Variants in STX8 observed in about 807,000 individuals in gnomAD.
STX8 encodes syntaxin 8, also known as syntaxin-8.
STX8 carries 23 observed loss-of-function variants against 37.5 expected under a neutral mutation model. The ratio of observed to expected loss-of-function variants is 0.61; its 90% confidence interval spans 0.44 to 0.87. The LOEUF (loss-of-function observed/expected upper bound fraction) is 0.87. Among genes scored for constraint, STX8 ranks in the 40% least tolerant of loss-of-function variants. The pLI is 0.00. For missense variants in STX8, 313 were observed against 284.7 expected, an observed-to-expected ratio of 1.10 and a Z score of -0.71; for synonymous variants, 115 against 99.1, an observed-to-expected ratio of 1.16 and a Z score of -0.95.
chr17:9,434,662 A>G (rs553483432), intron 6 of STX8, among the ~76,000 whole-genome samples: 1 of 152,240 alleles, frequency 6.6e-6, no homozygotes, highest in Non-Finnish European at 1.5e-5. Flanking sequence ...GGCTTCACCC[A>G]GGAAAGAATT....
chr17:9,550,648 ATAAG>A (rs1555536552), intron 3 of STX8, among the ~76,000 whole-genome samples: 1 of 152,226 alleles, frequency 6.6e-6, no homozygotes, highest in Non-Finnish European at 1.5e-5. Flanking sequence ...ACCAGCATGC[ATAAG>A]TCCAGCTTCT....
chr17:9,471,411 A>G (rs1905862102), intron 6 of STX8, among the ~76,000 whole-genome samples: 1 of 151,796 alleles, frequency 6.6e-6, no homozygotes, highest in Non-Finnish European at 1.5e-5. Context: ...TCGGCCTCCC[A>G]AAGTGCTGGG....
rs1250875813 is a variant in STX8 at position 9,507,335 on chromosome 17, G to T, written c.324-2173C>A. Among the ~76,000 whole-genome samples the T allele has an allele frequency of 6.6e-6, 1 of 152,016 alleles. No homozygotes were observed. The highest frequency in any genetic ancestry group is 1.9e-4 in the East Asian group (1 of 5,168). On this transcript the variant is annotated intron_variant, in intron 4 of 7. Transcript: ENST00000306357. This position sits in a 1 kb window ranked among gnomAD's most constrained non-coding sequence, Gnocchi z 4.0. ...CTCAGGCCTGAAAAACAGCCCATGG[G>T]TCACCCCTAGCGGCAACTCCCCTAG...
intron 5 of STX8, among the ~76,000 whole-genome samples, chr17:9,498,353 G>A (rs1023830642): frequency 6.7e-6 from 1 of 149,530 alleles, no homozygotes; most frequent in Non-Finnish European, 1.5e-5. Context: ...TCGCACCACT[G>A]CACTCCAGCC....
chr17:9,383,033 A>G (rs1309450841), intron 6 of STX8, among the ~76,000 whole-genome samples: 1 of 152,180 alleles, frequency 6.6e-6, no homozygotes, highest in Non-Finnish European at 1.5e-5. Context: ...ATGACCTTAT[A>G]AAAGAGTTCC....
intron 5 of STX8, among the ~76,000 whole-genome samples, chr17:9,503,801 T>C (rs1410279904): frequency 1.3e-5 from 2 of 152,238 alleles, no homozygotes; most frequent in East Asian, 3.8e-4. Context: ...CTCACTCTGT[T>C]GCACAGGCTG....
intron 7 of STX8, among the ~76,000 whole-genome samples, chr17:9,285,345 A>G (rs1278992290): frequency 6.6e-6 from 1 of 151,026 alleles, no homozygotes; most frequent in Non-Finnish European, 1.5e-5. Flanking sequence ...ACCAAACTCT[A>G]TTCTGCAGGT....
At chr17:9,301,523 C>T (rs892666361) in intron 7 of STX8, among the ~76,000 whole-genome samples, 1 of 151,738 alleles carries the variant, frequency 6.6e-6, no homozygotes, top group Non-Finnish European at 1.5e-5. Flanking sequence ...CACTCTGTCG[C>T]CCAGGCTGGA....
intron 6 of STX8, among the ~76,000 whole-genome samples, chr17:9,448,896 T>C (rs956380367): frequency 1.3e-5 from 2 of 152,160 alleles, no homozygotes; most frequent in African/African-American, 4.8e-5. Flanking sequence ...TTTTTGCTTT[T>C]GAAAGGTAAG....
chr17:9,278,213 C>T lies in STX8; in HGVS notation c.644-27568G>A, dbSNP rs773731423. ...CTGTAATCCCAGCACTTTGGGAGGC[C>T]GAGGCAGGTGGATCACCTGAGGTCG... On this transcript the variant is annotated intron_variant, in intron 7 of 7. Coordinates refer to ENST00000306357, the MANE Select transcript of STX8 (RefSeq NM_004853.3). Among the ~76,000 whole-genome samples, 12 of 152,208 alleles carry T rather than the reference C, an allele frequency of 7.9e-5. No individual in the cohort carries two copies. In the South Asian group the frequency reaches 8.3e-4, roughly 11 times the overall value.
At position 9,527,185 on chromosome 17, in the gene STX8, C is replaced by CAAAAAAAAA. The variant is rs61665330; in HGVS notation, c.323+17978_323+17986dup. ...TGGGCGACAGAGCGAGACTCCGTCTCAAAAAAAAAAAAAAAAAAGAGGCTG... is the reference window on the plus strand; with the variant it reads ...TGGGCGACAGAGCGAGACTCCGTCTCAAAAAAAAAAAAAAAAAAAAAAAAAAAGAGGCTG... On this transcript the variant is annotated intron_variant, in intron 4 of 7. Transcript: ENST00000306357. Among the ~76,000 whole-genome samples the CAAAAAAAAA allele has an allele frequency of 2.4e-3, 117 of 49,630 alleles. 43 individuals carry two copies. Among genetic ancestry groups the CAAAAAAAAA allele is most frequent in the African/African-American group, 3.9e-3 (40 of 10,328 alleles). 32.6% of individuals were successfully genotyped at this position (49,630 alleles called of 152,430 possible).
At chr17:9,361,186 G>T (rs1469006179) in intron 7 of STX8, among the ~76,000 whole-genome samples, 1 of 152,096 alleles carries the variant, frequency 6.6e-6, no homozygotes, top group Non-Finnish European at 1.5e-5. Context: ...TCAATTAATG[G>T]ATCCCTAGAG....
At chr17:9,426,856 G>A (rs1913649630) in intron 6 of STX8, among the ~76,000 whole-genome samples, 1 of 151,976 alleles carries the variant, frequency 6.6e-6, no homozygotes, top group Non-Finnish European at 1.5e-5. Context: ...TTCAATATAA[G>A]TTATATCTTG....
Position 9,537,630 on chromosome 17 carries a change from C to G in STX8, c.323+7542G>C, listed in dbSNP as rs144433166. Among the ~76,000 whole-genome samples the G allele has an allele frequency of 1.4e-4, 22 of 152,268 alleles. No individual in the cohort carries two copies. The East Asian group carries it at 4.2e-3, about 29-fold the overall frequency. On this transcript the variant is annotated intron_variant, in intron 4 of 7. Coordinates refer to ENST00000306357, the MANE Select transcript of STX8 (RefSeq NM_004853.3). ...AATCAACAACACACCTGCTGTATACCCAACTCTGGGCTGGATGTTACGGAA... is the reference window on the plus strand; with the variant it reads ...AATCAACAACACACCTGCTGTATACGCAACTCTGGGCTGGATGTTACGGAA...
At chr17:9,427,689 AC>A (rs1913688727) in intron 6 of STX8, among the ~76,000 whole-genome samples, 2 of 152,156 alleles carry the variant, frequency 1.3e-5, no homozygotes, top group Non-Finnish European at 2.9e-5. Context: ...TGGCTCACAG[AC>A]AGAGTGGAGT....
chr17:9,271,873 A>T (rs566636029), intron 7 of STX8, among the ~76,000 whole-genome samples: 1 of 152,290 alleles, frequency 6.6e-6, no homozygotes, highest in South Asian at 2.1e-4. Context: ...CATACAATAA[A>T]ATATCATCTG....
At position 9,575,721 on chromosome 17, in the gene STX8, T is replaced by C. The variant is rs904965396; in HGVS notation, c.17+71A>G. Reference sequence around the variant, plus strand: ...GGCCACCAGCGGCAATGCGAAGTGATTGCCTGCTCTCCGGAAGCCCGGCCT... The same window carrying C: ...GGCCACCAGCGGCAATGCGAAGTGACTGCCTGCTCTCCGGAAGCCCGGCCT... On this transcript the variant is annotated intron_variant, in intron 1 of 7. Transcript: ENST00000306357. 79 of 1,534,008 alleles carry C rather than the reference T, an allele frequency of 5.1e-5. 2 individuals carry two copies. The highest frequency in any genetic ancestry group is 4.6e-4 in the South Asian group (38 of 83,424).
At position 9,463,472 on chromosome 17, in the gene STX8, T is replaced by C. The variant is rs570904557; in HGVS notation, c.541+28357A>G. Reference sequence around the variant, plus strand: ...AATCAAAATACTTTTATTTCACCCATTCAAAGTCAAATATTTACAGGCTGG... The same window carrying C: ...AATCAAAATACTTTTATTTCACCCACTCAAAGTCAAATATTTACAGGCTGG... On this transcript the variant is annotated intron_variant, in intron 6 of 7. Transcript: ENST00000306357. Among the ~76,000 whole-genome samples, 37 of 152,256 alleles carry C rather than the reference T, an allele frequency of 2.4e-4. No individual in the cohort carries two copies. The South Asian group carries it at 7.5e-3, about 31-fold the overall frequency.
chr17:9,368,341 A>G (rs1365643091), intron 7 of STX8, among the ~76,000 whole-genome samples: 1 of 152,086 alleles, frequency 6.6e-6, no homozygotes, highest in Non-Finnish European at 1.5e-5. Flanking sequence ...CGTCTCTACT[A>G]AAAATACAAA....
Sources: allele counts gnomAD v4.1 joint callset (sites outside exome capture counted in the v4.1 genomes callset), GRCh38; gene constraint gnomAD v4.1.1; non-coding constraint Gnocchi (gnomAD v3.1); transcripts MANE v1.5; gene names NCBI Gene and HGNC (gene_info 2026-07-23, HGNC 2026-07-21).